The following SUGCT variants were observed in gnomAD, a reference collection of about 807,000 sequenced individuals.
SUGCT encodes succinyl-CoA:glutarate-CoA transferase.
In SUGCT, 41 loss-of-function variants were observed where a neutral mutation model predicts 55.0. That is an observed-to-expected ratio of 0.74 (90% CI 0.58 to 0.97). The LOEUF (loss-of-function observed/expected upper bound fraction) is 0.97. SUGCT is among the 50% of genes least tolerant of loss of function. SUGCT has a pLI of 0.00. For missense variants in SUGCT, 568 were observed against 547.8 expected, an observed-to-expected ratio of 1.04 and a Z score of -0.37; for synonymous variants, 187 against 200.4, an observed-to-expected ratio of 0.93 and a Z score of 0.56.
At chr7:40,669,553 G>T (rs1212330165) in intron 12 of SUGCT, among the ~76,000 whole-genome samples, 1 of 150,642 alleles carries the variant, frequency 6.6e-6, no homozygotes, top group African/African-American at 2.4e-5. Flanking sequence ...CAAAGAAATG[G>T]AAAGTCTCAG....
At chr7:40,824,214 A>G (rs1468468796) in intron 13 of SUGCT, among the ~76,000 whole-genome samples, 1 of 152,068 alleles carries the variant, frequency 6.6e-6, no homozygotes, top group African/African-American at 2.4e-5. Flanking sequence ...TGCTCAAAAA[A>G]AAAAACAAAA....
At chr7:40,320,167 C>T (rs1381804902) in intron 9 of SUGCT, among the ~76,000 whole-genome samples, 2 of 150,968 alleles carry the variant, frequency 1.3e-5, no homozygotes, top group South Asian at 2.1e-4. Flanking sequence ...AGTGCAGTGG[C>T]GTGATCTTGG....
chr7:40,577,645 C>T lies in SUGCT; in HGVS notation c.1089+81259C>T, dbSNP rs193151009. 3.3e-3 allele frequency among the ~76,000 whole-genome samples: 508 copies of T among 152,268 alleles called. 2 individuals are homozygous for T. Among genetic ancestry groups the T allele is most frequent in the African/African-American group, 0.012 (481 of 41,562 alleles). ...TTAGCTGTCAGTGCTATATGCACAT[C>T]ACAGGGGTCAGCCACAGTTGGAACA... On this transcript the variant is annotated intron_variant, in intron 12 of 13. Coordinates refer to ENST00000335693, the MANE Select transcript of SUGCT (RefSeq NM_001193313.2).
chr7:40,385,897 T>G (rs937443128), intron 9 of SUGCT, among the ~76,000 whole-genome samples: 1 of 152,354 alleles, frequency 6.6e-6, no homozygotes, highest in Admixed American at 6.5e-5. Flanking sequence ...CTTGCCAATT[T>G]TGTTGTGACA....
At chr7:40,554,684 T>C (rs1795470953) in intron 12 of SUGCT, among the ~76,000 whole-genome samples, 1 of 152,218 alleles carries the variant, frequency 6.6e-6, no homozygotes. Flanking sequence ...TCCCTTAGAC[T>C]TGTGTTTGTC....
chr7:40,955,317 A>G, the SUGCT span, among the ~76,000 whole-genome samples: 10 of 152,142 alleles, frequency 6.6e-5, no homozygotes, highest in South Asian at 8.3e-4. Flanking sequence ...CTTGAGCAGT[A>G]GTTTGTAGTT....
chr7:40,932,752 CT>C, the SUGCT span, among the ~76,000 whole-genome samples: 1,215 of 127,728 alleles, frequency 9.5e-3, 8 homozygotes, highest in African/African-American at 0.026. Context: ...GCAACCTCTG[CT>C]TTTTTTTTTT....
intron 12 of SUGCT, among the ~76,000 whole-genome samples, chr7:40,569,319 A>T (rs1003297948): frequency 2.0e-5 from 3 of 152,164 alleles, no homozygotes; most frequent in Non-Finnish European, 2.9e-5. Flanking sequence ...CCTGATCAGT[A>T]ATGTGTGAAA....
intron 13 of SUGCT, among the ~76,000 whole-genome samples, chr7:40,788,693 C>T (rs1790159013): frequency 6.6e-6 from 1 of 152,180 alleles, no homozygotes; most frequent in African/African-American, 2.4e-5. Flanking sequence ...CTTTGCTTTC[C>T]ACATGACCCT....
intron 13 of SUGCT, among the ~76,000 whole-genome samples, chr7:40,792,574 C>A (rs1790367031): frequency 6.6e-6 from 1 of 152,110 alleles, no homozygotes; most frequent in African/African-American, 2.4e-5. Flanking sequence ...TTGTAGCTAT[C>A]TGGTCCATGT....
chr7:40,227,861 T>C (rs1278444963), intron 6 of SUGCT, among the ~76,000 whole-genome samples: 1 of 148,148 alleles, frequency 6.8e-6, no homozygotes, highest in Admixed American at 6.7e-5. Context: ...ATTTATTTGT[T>C]ATTTATTTAT....
At chr7:40,382,193 G>A (rs114269844) in intron 9 of SUGCT, among the ~76,000 whole-genome samples, 188 of 151,870 alleles carry the variant, frequency 1.2e-3, no homozygotes, top group African/African-American at 4.4e-3. Flanking sequence ...AGTTTTTATG[G>A]GCATGTGGCT....
At chr7:40,235,972 A>G (rs1788986224) in intron 6 of SUGCT, among the ~76,000 whole-genome samples, 1 of 152,152 alleles carries the variant, frequency 6.6e-6, no homozygotes, top group South Asian at 2.1e-4. Context: ...TGTGTATGGA[A>G]AGCTCTTCAT....
chr7:40,908,772 C>T, the SUGCT span, among the ~76,000 whole-genome samples: 1 of 152,078 alleles, frequency 6.6e-6, no homozygotes, highest in Admixed American at 6.6e-5. Flanking sequence ...CAATTTAATA[C>T]CATGTGGCTA....
chr7:40,321,465 C>T (rs891268781), intron 9 of SUGCT, among the ~76,000 whole-genome samples: 8 of 151,976 alleles, frequency 5.3e-5, no homozygotes, highest in Non-Finnish European at 1.0e-4. Flanking sequence ...TCACTGCAAC[C>T]TCTGCCTACC....
the SUGCT span, among the ~76,000 whole-genome samples, chr7:40,915,071 G>A: frequency 6.6e-6 from 1 of 152,080 alleles, no homozygotes; most frequent in Non-Finnish European, 1.5e-5. Flanking sequence ...TTAGAATGTG[G>A]GGCTAACTTC....
At chr7:40,801,473 G>A (rs1052869169) in intron 13 of SUGCT, among the ~76,000 whole-genome samples, 9 of 152,156 alleles carry the variant, frequency 5.9e-5, no homozygotes, top group Non-Finnish European at 1.2e-4. Context: ...TGTTGTGGAT[G>A]TATCTTGGTA....
chr7:40,201,054 C>T (rs557432878), intron 6 of SUGCT, among the ~76,000 whole-genome samples: 1 of 152,130 alleles, frequency 6.6e-6, no homozygotes, highest in South Asian at 2.1e-4. Context: ...ATATTCACCA[C>T]ATAACTATAG....
intron 6 of SUGCT, among the ~76,000 whole-genome samples, chr7:40,229,080 A>G (rs905663755): frequency 3.3e-5 from 5 of 152,196 alleles, no homozygotes; most frequent in African/African-American, 1.2e-4. Context: ...CCATCCTGGA[A>G]TCAGCCATTT....
Sources: gnomAD v4.1 joint callset for allele counts (sites outside exome capture counted in the v4.1 genomes callset) on GRCh38, gnomAD v4.1.1 for gene constraint, MANE v1.5 for transcripts, NCBI Gene and HGNC (gene_info 2026-07-23, HGNC 2026-07-21) for gene names.